The following DENND5B variants were observed in gnomAD, a reference collection of about 807,000 sequenced individuals.
DENND5B encodes DENN domain-containing protein 5B.
In DENND5B, 34 loss-of-function variants were observed where a neutral mutation model predicts 140.6. That is an observed-to-expected ratio of 0.24 (90% CI 0.18 to 0.32). DENND5B has a LOEUF of 0.32. DENND5B is among the 10% of genes least tolerant of loss of function. The pLI is 1.00. For missense variants in DENND5B, 1,142 were observed against 1,560.2 expected (o/e 0.73, Z 4.52); for synonymous variants, 551 against 562.1 (o/e 0.98, Z 0.28).
At position 31,398,247 on chromosome 12, in the gene DENND5B, T is replaced by A; in HGVS notation, c.3184A>T (p.Thr1062Ser). ...SDEDLVKQCR[T>S]PPQQKSPTTA... The stretch of plus-strand genomic sequence containing the variant: ...GTGGGTGACTTCTGCTGGGGTGGAG[T>A]CCGACACTGCTTTACTAGATCTTCA... The change falls in exon 17 of 21, where the codon ACT becomes TCT. Residue 1062 changes from threonine (T) to serine (S), a missense_variant. By Grantham distance (58) the Thr-to-Ser change is moderately conservative (BLOSUM62 1). This residue lies in a region of DENND5B where 268 missense variants were observed against 349.2 expected (regional missense o/e 0.77). Coordinates refer to ENST00000389082, the MANE Select transcript of DENND5B (RefSeq NM_144973.4). 1.9e-6 allele frequency: 3 copies of A among 1,599,558 alleles called. No individual in the cohort carries two copies. The highest frequency in any genetic ancestry group is 2.6e-6 in the Non-Finnish European group (3 of 1,173,010).
In DENND5B at chr12:31,383,960, G is replaced by A. The variant is rs888914027; in HGVS notation, c.*3643C>T. ...GTCCCAGCATTTAATTTATTTGCAG[G>A]AAAAAAACAAATTAAATATTGATTT... is the stretch of plus-strand genomic sequence containing the variant. On this transcript the variant is annotated 3_prime_UTR_variant, in exon 21 of 21. Transcript: ENST00000389082. 1.3e-5 allele frequency: 2 copies of A among 151,824 alleles called. No individual in the cohort carries two copies. The highest frequency in any genetic ancestry group is 2.9e-5 in the Non-Finnish European group (2 of 67,986). The allele number at this position is 151,824 out of a possible 1,614,324, so 9.4% of individuals were successfully genotyped here.
At chr12:31,560,930 C>A (rs1310834704) in intron 1 of DENND5B, among the ~76,000 whole-genome samples, 2 of 148,842 alleles carry the variant, frequency 1.3e-5, no homozygotes, top group African/African-American at 4.8e-5. Flanking sequence ...AGCTCCTTTA[C>A]TACCAAAAAG....
Position 31,542,030 on chromosome 12 carries a change from G to A in DENND5B, c.128-46111C>T, listed in dbSNP as rs551129475. ...TGGTCAGGCACATTGGCTCACGCCT[G>A]TAATCCCAGCACTTTGGGAGGCCAA... On this transcript the variant is annotated intron_variant, in intron 1 of 20. Coordinates refer to ENST00000389082, the MANE Select transcript of DENND5B (RefSeq NM_144973.4). Among the ~76,000 whole-genome samples the A allele has an allele frequency of 2.6e-5, 4 of 152,364 alleles. No individual in the cohort carries two copies. The South Asian group carries it at 6.2e-4, about 24-fold the overall frequency.
chr12:31,432,315 C>T (rs965755882), intron 8 of DENND5B: 1 of 154,960 alleles, frequency 6.5e-6, no homozygotes, highest in African/African-American at 2.4e-5. Context: ...ACAGGTGATG[C>T]CTCAGTTCTT....
chr12:31,423,718 A>G, intron 10 of DENND5B, 43 bp from the exon 11 acceptor site: 2 of 1,577,928 alleles, frequency 1.3e-6, no homozygotes, highest in Non-Finnish European at 1.7e-6. Context: ...GAAATAATTC[A>G]TCAAAAAATA....
rs767427368 is a variant in DENND5B at position 31,495,886 on chromosome 12, G to C, written c.161C>G (p.Thr54Arg). ...ENFDQSPLRR[T>R]FKSKVLAHYP... Reference sequence around the variant, plus strand: ...GTGGGCGAGAACTTTGGATTTGAATGTTCTTCTCAAAGGACTCTGGTCAAA... The same window carrying C: ...GTGGGCGAGAACTTTGGATTTGAATCTTCTTCTCAAAGGACTCTGGTCAAA... Residue 54 changes from threonine (T) to arginine (R), a missense_variant, in exon 2 of 21, where the codon ACA (threonine) becomes AGA (arginine). This residue lies in a region of DENND5B where 708 missense variants were observed against 905.5 expected (regional missense o/e 0.78). Coordinates refer to ENST00000389082, the MANE Select transcript of DENND5B (RefSeq NM_144973.4). The C allele has an allele frequency of 1.2e-6, 2 of 1,612,608 alleles. No individual in the cohort carries two copies. Among genetic ancestry groups the C allele is most frequent in the Non-Finnish European group, 1.7e-6 (2 of 1,179,382 alleles).
intron 17 of DENND5B, among the ~76,000 whole-genome samples, chr12:31,394,232 A>T (rs1941311474): frequency 6.6e-6 from 1 of 152,132 alleles, no homozygotes; most frequent in African/African-American, 2.4e-5. Flanking sequence ...TATTATTATA[A>T]AACTGATTTT....
At chr12:31,562,148 T>C (rs1468931445) in intron 1 of DENND5B, among the ~76,000 whole-genome samples, 1 of 152,178 alleles carries the variant, frequency 6.6e-6, no homozygotes, top group East Asian at 1.9e-4. Context: ...TAGCTTCAAG[T>C]CTAGAAGTCA....
rs143018863 is a variant in DENND5B at position 31,515,744 on chromosome 12, T to C, written c.128-19825A>G. On this transcript the variant is annotated intron_variant, in intron 1 of 20. Coordinates refer to ENST00000389082, the MANE Select transcript of DENND5B (RefSeq NM_144973.4). Reference sequence around the variant, plus strand: ...ACTAAGATTAAACTCATCTATTCACTAGTAACACAATATTACTGGTATAAA... The same window carrying C: ...ACTAAGATTAAACTCATCTATTCACCAGTAACACAATATTACTGGTATAAA... Among the ~76,000 whole-genome samples, 3 of 152,334 alleles carry C rather than the reference T, an allele frequency of 2.0e-5. No individual in the cohort carries two copies. In the East Asian group the frequency reaches 5.8e-4, roughly 29 times the overall value.
At chr12:31,401,149 C>T (rs1026823794) in intron 15 of DENND5B, among the ~76,000 whole-genome samples, 2 of 152,070 alleles carry the variant, frequency 1.3e-5, no homozygotes, top group African/African-American at 2.4e-5. Flanking sequence ...GCCAGAGCTA[C>T]GAGTTCTTAA....
chr12:31,443,016 C>T (rs1250298373), intron 6 of DENND5B, 91 bp from the exon 7 acceptor site: 19 of 1,219,552 alleles, frequency 1.6e-5, no homozygotes, highest in African/African-American at 4.6e-5. Flanking sequence ...ACAGAGAACC[C>T]AATCACTCTG....
intron 3 of DENND5B, among the ~76,000 whole-genome samples, chr12:31,472,681 A>C (rs185272440): frequency 3.3e-5 from 5 of 152,302 alleles, no homozygotes; most frequent in Non-Finnish European, 1.5e-5. Context: ...GGCTCAAACA[A>C]ATCTGCTCTA....
chr12:31,495,315 G>A (rs183711090), intron 2 of DENND5B, among the ~76,000 whole-genome samples: 11 of 152,012 alleles, frequency 7.2e-5, no homozygotes, highest in African/African-American at 2.7e-4. Context: ...GAAACCCTGG[G>A]CAAGTAACTT....
In DENND5B at chr12:31,398,257, C is replaced by A; in HGVS notation, c.3174G>T (p.Lys1058Asn). Residue 1058 changes from lysine (K) to asparagine (N), a missense_variant, in exon 17 of 21, where the codon AAG (lysine) becomes AAT (asparagine). Transcript: ENST00000389082. ...TCTGCTGGGGTGGAGTCCGACACTG[C>A]TTTACTAGATCTTCATCTGATGCTG... ...MTSASDEDLV[K>N]QCRTPPQQKS... 1 of 1,591,188 alleles carries A rather than the reference C, an allele frequency of 6.3e-7. No individual in the cohort carries two copies. Among genetic ancestry groups the A allele is most frequent in the Non-Finnish European group, 8.6e-7 (1 of 1,168,290 alleles).
chr12:31,404,776 T>TTTTTTTTA lies in DENND5B; in HGVS notation c.2804-2134_2804-2133insTAAAAAAA, dbSNP rs1942025297. Among the ~76,000 whole-genome samples the TTTTTTTTA allele has an allele frequency of 2.7e-5, 4 of 145,886 alleles. 1 individual carries two copies. The highest frequency in any genetic ancestry group is 1.4e-4 in the Admixed American group (2 of 14,368). ...ACCTCTAGCTTTTTTTTTTTTTTTT[T>TTTTTTTTA]GAGACAGAGTTTTGCTCTTGTGGCC... On this transcript the variant is annotated intron_variant, in intron 14 of 20. Coordinates refer to ENST00000389082, the MANE Select transcript of DENND5B (RefSeq NM_144973.4).
At chr12:31,489,241 A>C (rs373371756) in intron 2 of DENND5B, among the ~76,000 whole-genome samples, 76 of 152,278 alleles carry the variant, frequency 5.0e-4, no homozygotes, top group African/African-American at 1.7e-3. Flanking sequence ...TTTGCACAAT[A>C]AAATCACCTA....
intron 1 of DENND5B, among the ~76,000 whole-genome samples, chr12:31,510,460 C>G (rs1299181248): frequency 6.6e-6 from 1 of 152,174 alleles, no homozygotes; most frequent in African/African-American, 2.4e-5. Context: ...GGACCACAGG[C>G]GCCCGCCACC....
At chr12:31,447,840 T>A (rs566959665) in intron 5 of DENND5B, 71 bp from the exon 6 acceptor site, 1 of 1,043,306 alleles carries the variant, frequency 9.6e-7, no homozygotes, top group South Asian at 1.6e-5. Flanking sequence ...AGCCTGAAAA[T>A]TATGTTAACT....
At chr12:31,545,721 A>G (rs1269229379) in intron 1 of DENND5B, among the ~76,000 whole-genome samples, 2 of 152,094 alleles carry the variant, frequency 1.3e-5, no homozygotes, top group Non-Finnish European at 1.5e-5. Flanking sequence ...TGGGAGGCTA[A>G]GCCAGGTGGA....
Sources: gnomAD v4.1 joint callset for allele counts (sites outside exome capture counted in the v4.1 genomes callset) on GRCh38, gnomAD v4.1.1 for gene constraint, gnomAD v4.1.1 regional missense constraint, MANE v1.5 for transcripts, NCBI Gene and HGNC (gene_info 2026-07-23, HGNC 2026-07-21) for gene names.